The following KCNJ3 variants were observed in gnomAD, a reference collection of about 807,000 sequenced individuals.
KCNJ3 encodes the protein potassium inwardly rectifying channel subfamily J member 3.
A neutral mutation model predicts 39.2 loss-of-function variants in KCNJ3; 4 were observed. The ratio of observed to expected loss-of-function variants is 0.10; its 90% CI spans 0.05 to 0.23. The LOEUF (loss-of-function observed/expected upper bound fraction) is 0.23, where lower values mean the gene tolerates loss of function less well. KCNJ3 is among the 10% of genes least tolerant of loss of function. The pLI is 1.00. For missense variants in KCNJ3, 276 were observed against 634.9 expected (o/e 0.43, Z 6.08); for synonymous variants, 230 against 237.4 (o/e 0.97, Z 0.29).
intron 2 of KCNJ3, among the ~76,000 whole-genome samples, chr2:154,832,557 A>C (rs981081526): frequency 3.3e-5 from 5 of 152,194 alleles, no homozygotes; most frequent in Admixed American, 2.0e-4. Context: ...TATTTTATAT[A>C]CTTAACCAAT....
chr2:154,771,310 C>T (rs995983231), intron 2 of KCNJ3, among the ~76,000 whole-genome samples: 1 of 152,106 alleles, frequency 6.6e-6, no homozygotes, highest in African/African-American at 2.4e-5. Flanking sequence ...GATGTTGGGA[C>T]AAGTGAACAA....
At chr2:154,727,481 A>G (rs1473840915) in intron 2 of KCNJ3, among the ~76,000 whole-genome samples, 1 of 150,700 alleles carries the variant, frequency 6.6e-6, no homozygotes, top group East Asian at 2.0e-4. Flanking sequence ...AATCCCAGCT[A>G]CTCAGGAGGC....
intron 2 of KCNJ3, among the ~76,000 whole-genome samples, chr2:154,849,108 G>T (rs1574486095): frequency 1.3e-5 from 2 of 152,226 alleles, no homozygotes; most frequent in African/African-American, 4.8e-5. Flanking sequence ...ATTTCCAGCT[G>T]CATCACCTCT....
intron 2 of KCNJ3, among the ~76,000 whole-genome samples, chr2:154,787,447 C>T (rs1004577925): frequency 6.6e-6 from 1 of 152,130 alleles, no homozygotes; most frequent in African/African-American, 2.4e-5. Context: ...ACCGAACCCT[C>T]TTTTTCCCTC....
At chr2:154,786,052 A>G (rs1043381653) in intron 2 of KCNJ3, among the ~76,000 whole-genome samples, 8 of 152,312 alleles carry the variant, frequency 5.3e-5, no homozygotes, top group Admixed American at 5.2e-4. Flanking sequence ...ATTGATGGTT[A>G]TCTGTCTTTT....
intron 2 of KCNJ3, among the ~76,000 whole-genome samples, chr2:154,843,765 C>T (rs1687618454): frequency 6.6e-6 from 1 of 152,210 alleles, no homozygotes; most frequent in South Asian, 2.1e-4. Context: ...ACGAAGTTCT[C>T]ATGCCATGGT....
At chr2:154,835,036 G>A (rs527248931) in intron 2 of KCNJ3, among the ~76,000 whole-genome samples, 59 of 150,154 alleles carry the variant, frequency 3.9e-4, no homozygotes, top group Admixed American at 6.6e-4. Context: ...CATTACCTCC[G>A]ATATTCTTCC....
At chr2:154,811,800 TA>T (rs1474671430) in intron 2 of KCNJ3, among the ~76,000 whole-genome samples, 6 of 152,290 alleles carry the variant, frequency 3.9e-5, no homozygotes, top group Admixed American at 6.5e-5. Context: ...AGACAAATTG[TA>T]GGTTTGTAGC....
intron 2 of KCNJ3, among the ~76,000 whole-genome samples, chr2:154,765,061 G>A (rs1462421481): frequency 6.6e-6 from 1 of 152,156 alleles, no homozygotes; most frequent in South Asian, 2.1e-4. Context: ...TTGTCGGGGG[G>A]AAAGGGCATG....
At chr2:154,828,826 G>T (rs754896120) in intron 2 of KCNJ3, among the ~76,000 whole-genome samples, 3 of 151,934 alleles carry the variant, frequency 2.0e-5, no homozygotes, top group Non-Finnish European at 4.4e-5. Context: ...GAAGATTTAG[G>T]GGTAAAATAT....
intron 2 of KCNJ3, among the ~76,000 whole-genome samples, chr2:154,851,488 G>A (rs1687754797): frequency 6.6e-6 from 1 of 152,132 alleles, no homozygotes; most frequent in African/African-American, 2.4e-5. Flanking sequence ...ACTTTCAGTA[G>A]GTTTCTAAGA....
intron 2 of KCNJ3, among the ~76,000 whole-genome samples, chr2:154,839,299 A>AT (rs1269007453): frequency 6.7e-6 from 1 of 148,434 alleles, no homozygotes; most frequent in Non-Finnish European, 1.5e-5. Context: ...TGACTGTATA[A>AT]TATATGTGCC....
At chr2:154,790,364 ACT>A (rs372694527) in intron 2 of KCNJ3, among the ~76,000 whole-genome samples, 19 of 152,028 alleles carry the variant, frequency 1.2e-4, no homozygotes, top group African/African-American at 4.3e-4. Context: ...CCTCTCTGAC[ACT>A]CTGTTGTTTT....
At chr2:154,839,042 A>T (rs1001774321) in intron 2 of KCNJ3, among the ~76,000 whole-genome samples, 3 of 152,098 alleles carry the variant, frequency 2.0e-5, no homozygotes, top group Non-Finnish European at 4.4e-5. Flanking sequence ...TGTTTGCTGC[A>T]CCCATCAACT....
At chr2:154,782,955 T>G (rs376789720) in intron 2 of KCNJ3, among the ~76,000 whole-genome samples, 79 of 152,242 alleles carry the variant, frequency 5.2e-4, no homozygotes, top group African/African-American at 1.9e-3. Context: ...GGCAGGCAGA[T>G]CACCTGAGGG....
intron 2 of KCNJ3, among the ~76,000 whole-genome samples, chr2:154,828,582 A>G (rs1371465825): frequency 6.6e-6 from 1 of 152,178 alleles, no homozygotes; most frequent in African/African-American, 2.4e-5. Context: ...ATGACCTGGC[A>G]ATGAGAACAA....
chr2:154,785,037 C>CT (rs1037226795), intron 2 of KCNJ3, among the ~76,000 whole-genome samples: 5 of 152,114 alleles, frequency 3.3e-5, no homozygotes, highest in African/African-American at 9.7e-5. Flanking sequence ...GAATTATGGT[C>CT]TAAATGTGCC....
chr2:154,849,698 A>G (rs2105138256), intron 2 of KCNJ3, among the ~76,000 whole-genome samples: 1 of 152,312 alleles, frequency 6.6e-6, no homozygotes, highest in East Asian at 1.9e-4. Flanking sequence ...GAAACAATGG[A>G]AAATAACTGA....
intron 2 of KCNJ3, among the ~76,000 whole-genome samples, chr2:154,780,153 A>G (rs1686409288): frequency 6.6e-6 from 1 of 152,182 alleles, no homozygotes; most frequent in Admixed American, 6.5e-5. Context: ...AGTTTTTGAG[A>G]CACACTAAGG....
Sources: gnomAD v4.1 joint callset for allele counts (sites outside exome capture counted in the v4.1 genomes callset) on GRCh38, gnomAD v4.1.1 for gene constraint, MANE v1.5 for transcripts, NCBI Gene and HGNC (gene_info 2026-07-23, HGNC 2026-07-21) for gene names.